The following SLC14A2 variants were observed in gnomAD, a reference collection of about 807,000 sequenced individuals.
SLC14A2 encodes the protein solute carrier family 14 member 2.
In SLC14A2, 91 loss-of-function variants were observed where a neutral mutation model predicts 104.6. The observed-to-expected ratio is 0.87, with a 90% CI of 0.73 to 1.04. The LOEUF is 1.04. Ranked by LOEUF, SLC14A2 falls within the 50% of genes least tolerant of loss-of-function variation. SLC14A2 has a pLI of 0.00. For synonymous variants in SLC14A2, 476 were observed against 466.4 expected (o/e 1.02, Z -0.27); for missense variants, 1,189 against 1,156.0 (o/e 1.03, Z -0.41).
At chr18:45,413,262 A>G (rs1250553116) in intron 1 of SLC14A2, among the ~76,000 whole-genome samples, 1 of 152,148 alleles carries the variant, frequency 6.6e-6, no homozygotes, top group Non-Finnish European at 1.5e-5. Context: ...TTTGTTGCGG[A>G]GAATCTCCTC....
At chr18:45,667,132 A>G in intron 13 of SLC14A2, 38 bp downstream of exon 13, 1 of 1,567,634 alleles carries the variant, frequency 6.4e-7, no homozygotes, top group Non-Finnish European at 8.7e-7. Context: ...CCTGACCCTA[A>G]AAACTCACCT....
At chr18:45,467,635 T>C (rs2087168911) in intron 1 of SLC14A2, among the ~76,000 whole-genome samples, 1 of 152,106 alleles carries the variant, frequency 6.6e-6, no homozygotes, top group Non-Finnish European at 1.5e-5. Flanking sequence ...CTAATAGATA[T>C]ACACTACTGG....
At chr18:45,561,395 T>A (rs1220153656) in intron 2 of SLC14A2, among the ~76,000 whole-genome samples, 1 of 152,082 alleles carries the variant, frequency 6.6e-6, no homozygotes, top group Middle Eastern at 3.2e-3. Context: ...AAACAAGCAG[T>A]TTGTCTGCTG....
intron 2 of SLC14A2, among the ~76,000 whole-genome samples, chr18:45,563,302 A>C (rs1423448346): frequency 1.3e-5 from 2 of 152,200 alleles, no homozygotes; most frequent in African/African-American, 4.8e-5. Context: ...CAGGCCAAAG[A>C]GTGCTGTGAC....
intron 1 of SLC14A2, among the ~76,000 whole-genome samples, chr18:45,467,175 G>T (rs2087159323): frequency 6.6e-6 from 1 of 152,084 alleles, no homozygotes; most frequent in Admixed American, 6.6e-5. Context: ...TATTAGACAG[G>T]ATTTTCTTGA....
At chr18:45,363,326 T>C (rs1225235268) in intron 1 of SLC14A2, among the ~76,000 whole-genome samples, 2 of 151,980 alleles carry the variant, frequency 1.3e-5, no homozygotes, top group African/African-American at 4.8e-5. Flanking sequence ...CAGGAATTTC[T>C]AATAATTGTA....
upstream of SLC14A2, among the ~76,000 whole-genome samples, chr18:45,613,997 T>A (rs1017406510): frequency 6.6e-6 from 1 of 152,210 alleles, no homozygotes; most frequent in East Asian, 1.9e-4. Flanking sequence ...CTCCAGGGCA[T>A]GTCAGAGAAC....
chr18:45,298,510 T>C (rs755549767), intron 1 of SLC14A2, among the ~76,000 whole-genome samples: 1 of 152,160 alleles, frequency 6.6e-6, no homozygotes, highest in Non-Finnish European at 1.5e-5. Flanking sequence ...TTTTCTTTCC[T>C]TGAGGCCCCT....
Position 45,418,608 on chromosome 18 carries a change from G to C in SLC14A2, c.-124-64625G>C, listed in dbSNP as rs2086304193. ...TACCTTCAGGTCAGATTTGAAGCTT[G>C]GTTACCAGGGGTCTTGAATATCTTC... On this transcript the variant is annotated intron_variant, in intron 1 of 20. Transcript: ENST00000586448. Among the ~76,000 whole-genome samples the C allele has an allele frequency of 2.0e-5, 3 of 152,188 alleles. No homozygotes were observed. In the South Asian group the frequency reaches 6.2e-4, roughly 31 times the overall value.
At chr18:45,290,052 AT>A (rs2084854234) in intron 1 of SLC14A2, among the ~76,000 whole-genome samples, 1 of 152,114 alleles carries the variant, frequency 6.6e-6, no homozygotes, top group Non-Finnish European at 1.5e-5. Flanking sequence ...TCCCTCTCTC[AT>A]TGGCCTTTAA....
rs903116422 is a variant in SLC14A2, at chr18:45,361,033, G to A, written c.-124-122200G>A. Among the ~76,000 whole-genome samples the A allele has an allele frequency of 7.9e-5, 12 of 152,070 alleles. No individual in the cohort carries two copies. The South Asian group carries it at 1.0e-3, about 13-fold the overall frequency. On this transcript the variant is annotated intron_variant, in intron 1 of 20. Transcript: ENST00000586448. ...AAATAAAATGCAATGGACAGGACCCGTATCCGTCAGTTCTTGTTCTCTTCC... is the reference window on the plus strand; with the variant it reads ...AAATAAAATGCAATGGACAGGACCCATATCCGTCAGTTCTTGTTCTCTTCC...
chr18:45,481,693 T>TCC (rs2087496394), intron 1 of SLC14A2, among the ~76,000 whole-genome samples: 1 of 152,114 alleles, frequency 6.6e-6, no homozygotes, highest in Non-Finnish European at 1.5e-5. Context: ...AAAAACAGGA[T>TCC]TTTCAAACTA....
intron 2 of SLC14A2, among the ~76,000 whole-genome samples, chr18:45,546,560 G>A (rs2043972821): frequency 6.6e-6 from 1 of 152,244 alleles, no homozygotes; most frequent in African/African-American, 2.4e-5. Flanking sequence ...GCTATGGAAA[G>A]GAAGCCTGTG....
Position 45,682,534 on chromosome 18 carries a change from A to G in SLC14A2, c.*15A>G, listed in dbSNP as rs1329507865. On this transcript the variant is annotated 3_prime_UTR_variant, in exon 20 of 20. Coordinates refer to ENST00000255226, the MANE Select transcript of SLC14A2 (RefSeq NM_007163.4). ...ATGTCTCCTAAGTTTCCCTGTCTAAAACACATCAGTGTAAATTCAGGCTTC... is the reference window on the plus strand; with the variant it reads ...ATGTCTCCTAAGTTTCCCTGTCTAAGACACATCAGTGTAAATTCAGGCTTC... 6.2e-7 allele frequency: 1 copy of G among 1,607,400 alleles called. No individual in the cohort carries two copies. Among genetic ancestry groups the G allele is most frequent in the Non-Finnish European group, 8.5e-7 (1 of 1,173,930 alleles).
chr18:45,222,054 G>A (rs554771476), intron 1 of SLC14A2, among the ~76,000 whole-genome samples: 13 of 152,242 alleles, frequency 8.5e-5, no homozygotes, highest in East Asian at 1.9e-4. Context: ...GATGGAGAAC[G>A]TAATTTGGTT....
chr18:45,354,877 G>T (rs964870944), intron 1 of SLC14A2, among the ~76,000 whole-genome samples: 1 of 152,186 alleles, frequency 6.6e-6, no homozygotes, highest in Non-Finnish European at 1.5e-5. Context: ...CAGCTGTGTG[G>T]ACTGGGCACT....
chr18:45,525,154 C>A (rs201933167), intron 2 of SLC14A2, among the ~76,000 whole-genome samples: 1 of 139,446 alleles, frequency 7.2e-6, no homozygotes, highest in Non-Finnish European at 1.6e-5. Context: ...CACACACACA[C>A]AAAACTCTCC....
At chr18:45,412,619 G>T (rs1485962486) in intron 1 of SLC14A2, among the ~76,000 whole-genome samples, 3 of 152,130 alleles carry the variant, frequency 2.0e-5, no homozygotes, top group African/African-American at 7.2e-5. Flanking sequence ...CCTTCTCTCT[G>T]GGGGTAAACA....
At chr18:45,466,499 G>A (rs2087145492) in intron 1 of SLC14A2, among the ~76,000 whole-genome samples, 1 of 150,196 alleles carries the variant, frequency 6.7e-6, no homozygotes, top group African/African-American at 2.5e-5. Flanking sequence ...AGTTCCATCT[G>A]AGCTGGGCCT....
Sources: allele counts gnomAD v4.1 joint callset (sites outside exome capture counted in the v4.1 genomes callset), GRCh38; gene constraint gnomAD v4.1.1; transcripts MANE v1.5; gene names NCBI Gene and HGNC (gene_info 2026-07-23, HGNC 2026-07-21).